Variants in TMEM74 observed in about 807,000 individuals in gnomAD.
TMEM74 encodes transmembrane protein 74.
TMEM74 carries 13 observed loss-of-function variants against 18.1 expected under a neutral mutation model. The ratio of observed to expected loss-of-function variants is 0.72; its 90% confidence interval spans 0.47 to 1.14. The LOEUF is 1.14. Ranked by LOEUF, TMEM74 falls within the 50% of genes most tolerant of loss-of-function variation. TMEM74 has a pLI of 0.00. For synonymous variants in TMEM74, 159 were observed against 146.6 expected (o/e 1.08, Z -0.61); for missense variants, 372 against 375.9 (o/e 0.99, Z 0.09).
chr8:108,665,990 C>T (rs939889562), intron 1 of TMEM74, among the ~76,000 whole-genome samples: 4 of 152,174 alleles, frequency 2.6e-5, no homozygotes, highest in East Asian at 3.9e-4. Flanking sequence ...ACTTACATTG[C>T]CAAAACAATT....
chr8:108,641,401 G>C (rs1812663697), intron 2 of TMEM74, among the ~76,000 whole-genome samples: 1 of 152,034 alleles, frequency 6.6e-6, no homozygotes, highest in Non-Finnish European at 1.5e-5. Context: ...ATGACTTTCA[G>C]GGACAGCATG....
intron 1 of TMEM74, among the ~76,000 whole-genome samples, chr8:108,716,131 T>C (rs1810676579): frequency 1.3e-5 from 2 of 152,132 alleles, no homozygotes; most frequent in Admixed American, 6.5e-5. Flanking sequence ...AACTGCAATG[T>C]AGAATGCTTA....
intron 1 of TMEM74, among the ~76,000 whole-genome samples, chr8:108,676,326 C>T (rs943630724): frequency 1.3e-5 from 2 of 152,148 alleles, no homozygotes; most frequent in Non-Finnish European, 2.9e-5. Context: ...CCTACGTGGT[C>T]TTGTCTCTTA....
chr8:108,704,899 C>A (rs1474730455), intron 1 of TMEM74, among the ~76,000 whole-genome samples: 1 of 152,176 alleles, frequency 6.6e-6, no homozygotes, highest in Non-Finnish European at 1.5e-5. Flanking sequence ...CATGCCTGTT[C>A]CATGCTTTAA....
At chr8:108,686,658 G>A (rs1199354516) in intron 1 of TMEM74, among the ~76,000 whole-genome samples, 1 of 148,496 alleles carries the variant, frequency 6.7e-6, no homozygotes, top group Admixed American at 6.8e-5. Flanking sequence ...ACTCAGTCAG[G>A]TTCTAAGTCC....
intron 1 of TMEM74, among the ~76,000 whole-genome samples, chr8:108,680,239 T>C (rs1361893277): frequency 1.3e-5 from 2 of 152,134 alleles, no homozygotes; most frequent in Non-Finnish European, 2.9e-5. Context: ...ACCAATATCC[T>C]TGATGAACAT....
intron 1 of TMEM74, among the ~76,000 whole-genome samples, chr8:108,765,143 A>G (rs1814089928): frequency 6.6e-6 from 1 of 152,132 alleles, no homozygotes; most frequent in African/African-American, 2.4e-5. Context: ...ATAGGTGCAC[A>G]TTTGCTGTTT....
intron 2 of TMEM74, among the ~76,000 whole-genome samples, chr8:108,646,927 C>T (rs920520850): frequency 6.6e-6 from 1 of 152,152 alleles, no homozygotes; most frequent in Non-Finnish European, 1.5e-5. Context: ...TTGGTTATTT[C>T]ATTATATTAA....
At chr8:108,623,893 C>T (rs747714610) in intron 2 of TMEM74, among the ~76,000 whole-genome samples, 2 of 152,026 alleles carry the variant, frequency 1.3e-5, no homozygotes, top group Non-Finnish European at 2.9e-5. Flanking sequence ...AGGGCACTCC[C>T]CCTAAAGCAA....
chr8:108,705,766 C>T (rs1467034715), intron 1 of TMEM74, among the ~76,000 whole-genome samples: 1 of 152,166 alleles, frequency 6.6e-6, no homozygotes, highest in African/African-American at 2.4e-5. Flanking sequence ...TATACCAAAT[C>T]TAATGCTCCA....
intron 2 of TMEM74, among the ~76,000 whole-genome samples, chr8:108,631,386 T>C (rs1226959146): frequency 1.3e-5 from 2 of 151,956 alleles, no homozygotes; most frequent in African/African-American, 2.4e-5. Flanking sequence ...AAAAACAGGA[T>C]TGTAGAACTT....
At chr8:108,644,966 A>G (rs1812702613) in intron 2 of TMEM74, among the ~76,000 whole-genome samples, 1 of 152,212 alleles carries the variant, frequency 6.6e-6, no homozygotes, top group Non-Finnish European at 1.5e-5. Context: ...AATTTAAAAC[A>G]GGACTACCAT....
intron 2 of TMEM74, among the ~76,000 whole-genome samples, chr8:108,620,719 T>C (rs1428428190): frequency 6.6e-6 from 1 of 152,144 alleles, no homozygotes; most frequent in South Asian, 2.1e-4. Context: ...ACATTCATGA[T>C]ATGATTATTA....
intron 1 of TMEM74, among the ~76,000 whole-genome samples, chr8:108,704,507 T>C (rs1012902036): frequency 6.6e-6 from 1 of 152,204 alleles, no homozygotes; most frequent in African/African-American, 2.4e-5. Context: ...TGTGTAAAAG[T>C]ACACTCTTTA....
intron 2 of TMEM74, among the ~76,000 whole-genome samples, chr8:108,627,527 G>T (rs578041696): frequency 6.6e-6 from 1 of 152,034 alleles, no homozygotes; most frequent in Non-Finnish European, 1.5e-5. Flanking sequence ...CTAGCACAGT[G>T]CCTGTTATAC....
chr8:108,753,216 T>G (rs1813920427), intron 1 of TMEM74, among the ~76,000 whole-genome samples: 1 of 152,156 alleles, frequency 6.6e-6, no homozygotes, highest in South Asian at 2.1e-4. Flanking sequence ...GAAGAATATC[T>G]TGGCTGAATA....
At chr8:108,720,848 A>C (rs1235588843) in intron 1 of TMEM74, among the ~76,000 whole-genome samples, 3 of 152,060 alleles carry the variant, frequency 2.0e-5, no homozygotes, top group Non-Finnish European at 4.4e-5. Flanking sequence ...TGCTCACTGC[A>C]ACCTCTGCCT....
rs576685565 is a variant in TMEM74 at position 108,645,193 on chromosome 8, C to T, written n.264+10100G>A. On this transcript the variant is annotated intron_variant and non_coding_transcript_variant, in intron 2 of 3. Transcript: ENST00000518838. ...GCCACAAAAATGAATGAAATCATGACCTTTGCAGCAACATAGATTCAGCTG... is the reference window on the plus strand; with the variant it reads ...GCCACAAAAATGAATGAAATCATGATCTTTGCAGCAACATAGATTCAGCTG... Among the ~76,000 whole-genome samples, 45 of 152,156 alleles carry T rather than the reference C, an allele frequency of 3.0e-4. 1 individual carries two copies. The South Asian group carries it at 9.1e-3, about 31-fold the overall frequency.
intron 2 of TMEM74, among the ~76,000 whole-genome samples, chr8:108,622,853 CCT>C (rs1481775457): frequency 6.6e-6 from 1 of 152,060 alleles, no homozygotes; most frequent in Non-Finnish European, 1.5e-5. Flanking sequence ...CCCTTTCTTT[CCT>C]CTTATTGATT....
Sources: gnomAD v4.1 joint callset for allele counts (sites outside exome capture counted in the v4.1 genomes callset) on GRCh38, gnomAD v4.1.1 for gene constraint, MANE v1.5 for transcripts, NCBI Gene and HGNC (gene_info 2026-07-23, HGNC 2026-07-21) for gene names.